YEATS2: variants seen among roughly 807,000 people sequenced by gnomAD.
The protein encoded by YEATS2 is YEATS domain-containing protein 2.
Under a neutral mutation model 163.2 loss-of-function variants are expected in YEATS2, and 77 were observed. The observed-to-expected ratio is 0.47, with a 90% CI of 0.39 to 0.57. The LOEUF (loss-of-function observed/expected upper bound fraction) is 0.57, where lower values mean the gene tolerates loss of function less well. YEATS2 is among the 20% of genes least tolerant of loss of function. The pLI is 0.00. For synonymous variants in YEATS2, 631 were observed against 645.1 expected, an observed-to-expected ratio of 0.98 and a Z score of 0.33; for missense variants, 1,549 against 1,729.8, an observed-to-expected ratio of 0.90 and a Z score of 1.85.
intron 19 of YEATS2, among the ~76,000 whole-genome samples, chr3:183,785,598 G>A (rs1463359246): frequency 6.6e-6 from 1 of 152,016 alleles, no homozygotes; most frequent in Non-Finnish European, 1.5e-5. Context: ...CGAGGCTGCA[G>A]TGAGCTATGA....
At position 183,800,034 on chromosome 3, in the gene YEATS2, A is replaced by G. The variant is rs557554230; in HGVS notation, c.3326-432A>G. On this transcript the variant is annotated intron_variant, in intron 23 of 30. Transcript: ENST00000305135. Reference sequence around the variant, plus strand: ...TTTTTAGTAGAGATGGGGTTTCACCATGTTAGCCAGGATGGTCTTGATCTC... The same window carrying G: ...TTTTTAGTAGAGATGGGGTTTCACCGTGTTAGCCAGGATGGTCTTGATCTC... Among the ~76,000 whole-genome samples the G allele has an allele frequency of 8.1e-4, 123 of 151,872 alleles. No homozygotes were observed. The East Asian group carries it at 0.015, about 18-fold the overall frequency.
At chr3:183,736,335 T>C (rs1718339409) in intron 7 of YEATS2, among the ~76,000 whole-genome samples, 1 of 152,210 alleles carries the variant, frequency 6.6e-6, no homozygotes. Context: ...AGTGGAGGAA[T>C]AAATACAAGG....
chr3:183,731,348 T>C (rs1163121817), intron 7 of YEATS2, among the ~76,000 whole-genome samples: 1 of 150,796 alleles, frequency 6.6e-6, no homozygotes, highest in Admixed American at 6.6e-5. Flanking sequence ...TTTTTGTAGG[T>C]AGGTACAGTA....
At chr3:183,750,093 G>A (rs1420315144) in intron 9 of YEATS2, among the ~76,000 whole-genome samples, 1 of 152,024 alleles carries the variant, frequency 6.6e-6, no homozygotes, top group African/African-American at 2.4e-5. Context: ...CAAAGTGCTG[G>A]GATTATAGGC....
intron 1 of YEATS2, among the ~76,000 whole-genome samples, chr3:183,709,826 C>T (rs951581709): frequency 3.5e-4 from 53 of 151,900 alleles, no homozygotes; most frequent in African/African-American, 8.9e-4. Context: ...TACAGGTGCC[C>T]GCCACCACGC....
intron 15 of YEATS2, among the ~76,000 whole-genome samples, chr3:183,764,827 C>T (rs34791672): frequency 0.11 from 16,020 of 152,044 alleles, 1,232 homozygotes; most frequent in East Asian, 0.31. Flanking sequence ...AAATAAAATT[C>T]GTGGTGTTAT....
intron 27 of YEATS2, chr3:183,806,444 A>C (rs1351690328): frequency 4.4e-6 from 2 of 456,996 alleles, no homozygotes; most frequent in Non-Finnish European, 8.8e-6. Flanking sequence ...GACCCATAAT[A>C]TACATTGAAA....
intron 7 of YEATS2, among the ~76,000 whole-genome samples, chr3:183,730,060 T>TTG (rs1560244403): frequency 1.5e-5 from 1 of 65,990 alleles, no homozygotes; most frequent in Non-Finnish European, 2.8e-5. Flanking sequence ...TTGTTTTTTT[T>TTG]TTTTTTTTTT....
chr3:183,754,337 C>T lies in YEATS2; in HGVS notation c.1362C>T (p.Pro454=). The change falls in exon 11 of 31, where the codon CCC becomes CCT. Residue 454 remains proline (P), a synonymous_variant. Coordinates refer to ENST00000305135, the MANE Select transcript of YEATS2 (RefSeq NM_018023.5). ...AGTCACCTGGAAAATCCTTCCAGCC[C>T]ATCACCATGAGCTGCAAGATTGTGT... ...NPESPGKSFQ[P]ITMSCKIVSG... is the part of the protein sequence containing the mutation. 6.2e-7 allele frequency: 1 copy of T among 1,613,946 alleles called. No individual in the cohort carries two copies.
chr3:183,781,370 AAG>A (rs972445938), intron 19 of YEATS2, among the ~76,000 whole-genome samples: 1 of 152,158 alleles, frequency 6.6e-6, no homozygotes, highest in African/African-American at 2.4e-5. Flanking sequence ...TCAGCTTAAG[AAG>A]AGAGAGAGAA....
rs561066277 is a variant in YEATS2, at chr3:183,717,550, T to C, written c.101-101T>C. 19 of 866,932 alleles carry C rather than the reference T, an allele frequency of 2.2e-5. No homozygotes were observed. In the Middle Eastern group the frequency reaches 3.3e-3, roughly 151 times the overall value. 53.7% of individuals were successfully genotyped at this position (866,932 alleles called of 1,614,324 possible). On this transcript the variant is annotated intron_variant, in intron 2 of 30. Transcript: ENST00000305135. Reference sequence around the variant, plus strand: ...TGATGTCCACTAGGTTTCTCCACTTTAGAGTTACTATTTCTTGGATTTCTT... The same window carrying C: ...TGATGTCCACTAGGTTTCTCCACTTCAGAGTTACTATTTCTTGGATTTCTT...
At chr3:183,705,379 A>G (rs1450183167) in intron 1 of YEATS2, among the ~76,000 whole-genome samples, 1 of 152,056 alleles carries the variant, frequency 6.6e-6, no homozygotes, top group East Asian at 1.9e-4. Context: ...AATTGTCTTA[A>G]TCTTTTAAAT....
At position 183,810,501 on chromosome 3, in the gene YEATS2, A is replaced by G; in HGVS notation, c.4187A>G (p.Asn1396Ser). 1 of 1,614,174 alleles carries G rather than the reference A, an allele frequency of 6.2e-7. No individual in the cohort carries two copies. Among genetic ancestry groups the G allele is most frequent in the Non-Finnish European group, 8.5e-7 (1 of 1,180,014 alleles). Residue 1396 changes from asparagine (N) to serine (S), a missense_variant, in exon 31 of 31, where the codon AAT (asparagine) becomes AGT (serine). Asn to Ser is a conservative substitution (Grantham distance 46). Transcript: ENST00000305135. ...ATTCCCAAAGAAATTACAGTGAGTA[A>G]TATTCACCAGGCCATTTGCAACATT... The part of the protein sequence containing the change: ...NRIPKEITVS[N>S]IHQAICNIPF...
At chr3:183,746,225 G>C (rs1158401780) in intron 8 of YEATS2, among the ~76,000 whole-genome samples, 1 of 151,986 alleles carries the variant, frequency 6.6e-6, no homozygotes, top group Non-Finnish European at 1.5e-5. Context: ...ACCACACCTG[G>C]CTAATTTTTG....
intron 7 of YEATS2, among the ~76,000 whole-genome samples, chr3:183,733,833 T>C (rs1718060363): frequency 6.6e-6 from 1 of 152,158 alleles, no homozygotes. Flanking sequence ...AAAGCCGTGA[T>C]TGTGAACTTT....
intron 26 of YEATS2, 91 bp downstream of exon 26, chr3:183,803,426 T>G (rs1725883078): frequency 1.6e-6 from 2 of 1,218,314 alleles, no homozygotes; most frequent in African/African-American, 3.0e-5. Context: ...GGTTGAAATA[T>G]TTGATGGCAG....
chr3:183,749,025 CTCCGCCTCCCGGGT>C (rs560603663), intron 9 of YEATS2, among the ~76,000 whole-genome samples: 6 of 152,196 alleles, frequency 3.9e-5, no homozygotes, highest in African/African-American at 1.4e-4. Context: ...TCACTGCAAG[CTCCGCCTCCCGGGT>C]TCACGCCATT....
At chr3:183,716,516 A>T (rs760959151) in intron 2 of YEATS2, among the ~76,000 whole-genome samples, 2 of 152,154 alleles carry the variant, frequency 1.3e-5, no homozygotes, top group Non-Finnish European at 2.9e-5. Flanking sequence ...TAGTGAAAAC[A>T]TTTTGCTGCA....
At position 183,701,071 on chromosome 3, in the gene YEATS2, G is replaced by GTA. The variant is rs1203758862; in HGVS notation, c.-20+3089_-20+3090dup. Among the ~76,000 whole-genome samples the GTA allele has an allele frequency of 2.1e-3, 308 of 146,770 alleles. 9 individuals are homozygous for GTA. In the East Asian group the frequency reaches 0.044, roughly 21 times the overall value. ...TATATATGTGTGTGTGTGTGTGTGT[G>GTA]TATATATATATAAATTTTTTTTTTT... On this transcript the variant is annotated intron_variant, in intron 1 of 30. Transcript: ENST00000305135.
Sources: allele counts gnomAD v4.1 joint callset (sites outside exome capture counted in the v4.1 genomes callset), GRCh38; gene constraint gnomAD v4.1.1; transcripts MANE v1.5; gene names NCBI Gene and HGNC (gene_info 2026-07-23, HGNC 2026-07-21).